The following MTFR1L variants were observed in gnomAD, a reference collection of about 807,000 sequenced individuals.
The protein encoded by MTFR1L is mitochondrial fission regulator 1 like, also known as mitochondrial fission regulator 1-like.
Under a neutral mutation model 27.9 loss-of-function variants are expected in MTFR1L, and 10 were observed. The observed-to-expected ratio is 0.36, with a 90% confidence interval of 0.22 to 0.61. MTFR1L has a LOEUF of 0.61. Ranked by LOEUF, MTFR1L falls within the 20% of genes least tolerant of loss-of-function variation. The pLI, the probability that MTFR1L is intolerant of heterozygous loss-of-function variation, is 0.73. For missense variants in MTFR1L, 315 were observed against 363.7 expected (o/e 0.87, Z 1.09); for synonymous variants, 151 against 139.4 (o/e 1.08, Z -0.58).
At chr1:25,820,808 C>G (rs2048079689) in intron 1 of MTFR1L, 1 of 408,868 alleles carries the variant, frequency 2.4e-6, no homozygotes, top group Non-Finnish European at 4.8e-6. Context: ...AGGCAGACAC[C>G]GTGCTGTGCG....
Position 25,826,967 on chromosome 1 carries a change from G to A in MTFR1L, c.451+141G>A. ...GGCCCTGGGGTTGTCCTGAAGCCTGGCTAGCCAGTAGTGCCTCTTAGATGG... is the reference window on the plus strand; with the variant it reads ...GGCCCTGGGGTTGTCCTGAAGCCTGACTAGCCAGTAGTGCCTCTTAGATGG... On this transcript the variant is annotated intron_variant, in intron 5 of 6. Coordinates refer to ENST00000374303, the MANE Select transcript of MTFR1L (RefSeq NM_001099625.2). The surrounding 1 kb of genome is among the most constrained non-coding windows in gnomAD (Gnocchi z 4.1). The A allele has an allele frequency of 1.1e-6, 1 of 934,662 alleles. No individual in the cohort carries two copies. The highest frequency in any genetic ancestry group is 1.6e-6 in the Non-Finnish European group (1 of 622,562). The allele number at this position is 934,662 out of a possible 1,614,324, so 57.9% of individuals were successfully genotyped here. A position where few individuals can be genotyped will look rare whatever the true frequency, so the allele number is the denominator to read the frequency against.
chr1:25,826,544 T>G lies in MTFR1L; in HGVS notation c.240-71T>G. The G allele has an allele frequency of 6.3e-7, 1 of 1,592,982 alleles. No homozygotes were observed. The highest frequency in any genetic ancestry group is 8.6e-7 in the Non-Finnish European group (1 of 1,161,986). On this transcript the variant is annotated intron_variant, in intron 4 of 6. Transcript: ENST00000374303. The surrounding 1 kb of genome is among the most constrained non-coding windows in gnomAD (Gnocchi z 4.1). Reference sequence around the variant, plus strand: ...CCTTACTATACTACTCTCACAGAAGTGGGGGAAGGAACCTTAGGAGCACAG... The same window carrying G: ...CCTTACTATACTACTCTCACAGAAGGGGGGGAAGGAACCTTAGGAGCACAG...
At chr1:25,831,069 T>C (rs1233573234) in intron 6 of MTFR1L, among the ~76,000 whole-genome samples, 1 of 152,092 alleles carries the variant, frequency 6.6e-6, no homozygotes, top group Non-Finnish European at 1.5e-5. Context: ...GCTAGCCCCC[T>C]CCTCCCACTT....
rs1309026290 is a variant in MTFR1L, at chr1:25,826,124, A to G, written c.130-178A>G. ...GCTGGGATTACAGGTGTGAGCCACC[A>G]TGCCTGACTGTCATCTGGCCTCTGT... On this transcript the variant is annotated intron_variant, in intron 3 of 6. Transcript: ENST00000374303. This position sits in a 1 kb window ranked among gnomAD's most constrained non-coding sequence, Gnocchi z 4.1. 3 of 576,090 alleles carry G rather than the reference A, an allele frequency of 5.2e-6. No homozygotes were observed. The highest frequency in any genetic ancestry group is 3.0e-5 in the Admixed American group (1 of 33,328). 35.7% of individuals were successfully genotyped at this position (576,090 alleles called of 1,614,324 possible).
Position 25,826,833 on chromosome 1 carries a change from G to A in MTFR1L, c.451+7G>A, listed in dbSNP as rs2048175614. ...ATAGTGGCAGCTGATGCAGGTAGGA[G>A]CCCCTGTGCCAGGGCCAGAACGTAA... is the stretch of plus-strand genomic sequence containing the variant. On this transcript the variant is annotated splice_region_variant and intron_variant, in intron 5 of 6. Coordinates refer to ENST00000374303, the MANE Select transcript of MTFR1L (RefSeq NM_001099625.2). This position sits in a 1 kb window ranked among gnomAD's most constrained non-coding sequence, Gnocchi z 4.1. 1.2e-6 allele frequency: 2 copies of A among 1,613,176 alleles called. No individual in the cohort carries two copies. Among genetic ancestry groups the A allele is most frequent in the Non-Finnish European group, 1.7e-6 (2 of 1,179,860 alleles).
At chr1:25,820,902 C>A in intron 1 of MTFR1L, 1 of 343,694 alleles carries the variant, frequency 2.9e-6, no homozygotes, top group Non-Finnish European at 5.5e-6. Flanking sequence ...AAGGACCTGA[C>A]CCTGTCGCAG....
At chr1:25,821,190 G>A (rs2048087134) in intron 1 of MTFR1L, among the ~76,000 whole-genome samples, 1 of 152,224 alleles carries the variant, frequency 6.6e-6, no homozygotes, top group Admixed American at 6.5e-5. Flanking sequence ...AGTTTTAAAC[G>A]GATGAGCGAT....
In MTFR1L at chr1:25,829,674, T is replaced by C. The variant is rs1424018938; in HGVS notation, c.617T>C (p.Leu206Pro). The change falls in exon 6 of 7, where the codon CTT becomes CCT. Residue 206 changes from leucine (L) to proline (P), a missense_variant. By Grantham distance (98) the Leu-to-Pro change is moderately conservative. Transcript: ENST00000374303. ...CCTGAGCTTCCATCAGTCCCCCTGCTTTGTTCTGCCAGCCCTGAATGTTGC... is the reference window on the plus strand; with the variant it reads ...CCTGAGCTTCCATCAGTCCCCCTGCCTTGTTCTGCCAGCCCTGAATGTTGC... ...EVPELPSVPLLCSASPECCKP... is the reference protein window; with the variant it reads ...EVPELPSVPLPCSASPECCKP... 3 of 1,614,088 alleles carry C rather than the reference T, an allele frequency of 1.9e-6. No individual in the cohort carries two copies. Among genetic ancestry groups the C allele is most frequent in the Non-Finnish European group, 2.5e-6 (3 of 1,180,040 alleles).
At chr1:25,820,259 T>G (rs1283472803) in intron 1 of MTFR1L, 3 of 455,706 alleles carry the variant, frequency 6.6e-6, no homozygotes, top group Non-Finnish European at 1.3e-5. Flanking sequence ...GACCTCAGGC[T>G]TCTAGTTTCG....
Position 25,823,055 on chromosome 1 carries a change from C to G in MTFR1L, c.-50C>G. 1 of 1,614,110 alleles carries G rather than the reference C, an allele frequency of 6.2e-7. No individual in the cohort carries two copies. Among genetic ancestry groups the G allele is most frequent in the Non-Finnish European group, 8.5e-7 (1 of 1,180,006 alleles). On this transcript the variant is annotated 5_prime_UTR_variant, in exon 2 of 7. Coordinates refer to ENST00000374303, the MANE Select transcript of MTFR1L (RefSeq NM_001099625.2). ...TGAAGGAGTCACGCCTCCCGCCTCCCGGAGCTGCCCAGTGGCTGCCTTGTC... is the reference window on the plus strand; with the variant it reads ...TGAAGGAGTCACGCCTCCCGCCTCCGGGAGCTGCCCAGTGGCTGCCTTGTC...
rs1438033902 is a variant in MTFR1L, at chr1:25,829,590, T to G, written c.533T>G (p.Phe178Cys). The stretch of plus-strand genomic sequence containing the variant: ...CCCTTACCTTGTTTTGGATCCTCAT[T>G]CCACTCTACAACTTCCTTTGTCATT... ...SSPLPCFGSS[F>C]HSTTSFVISD... Residue 178 changes from phenylalanine (F) to cysteine (C), a missense_variant, in exon 6 of 7, where the codon TTC (phenylalanine) becomes TGC (cysteine). By Grantham distance (205) the Phe-to-Cys change is radical. Transcript: ENST00000374303. 1.2e-6 allele frequency: 2 copies of G among 1,614,096 alleles called. No homozygotes were observed. The highest frequency in any genetic ancestry group is 1.7e-5 in the Admixed American group (1 of 60,006).
At chr1:25,821,565 C>T (rs2048092917) in intron 1 of MTFR1L, 1 of 152,294 alleles carries the variant, frequency 6.6e-6, no homozygotes, top group South Asian at 2.1e-4. Context: ...AGGGGACCCT[C>T]CACAGGAGGT....
At chr1:25,821,189 CG>C (rs2048087202) in intron 1 of MTFR1L, among the ~76,000 whole-genome samples, 1 of 152,172 alleles carries the variant, frequency 6.6e-6, no homozygotes, top group Non-Finnish European at 1.5e-5. Flanking sequence ...CAGTTTTAAA[CG>C]GATGAGCGAT....
intron 1 of MTFR1L, among the ~76,000 whole-genome samples, chr1:25,821,311 A>C (rs2048089136): frequency 6.6e-6 from 1 of 152,196 alleles, no homozygotes; most frequent in African/African-American, 2.4e-5. Flanking sequence ...CCGTTAGTGC[A>C]ATTTGTGGCC....
chr1:25,820,970 A>T, intron 1 of MTFR1L: 1 of 296,028 alleles, frequency 3.4e-6, no homozygotes, highest in Non-Finnish European at 6.4e-6. Flanking sequence ...GAGCTCGGCG[A>T]AGGGGGTGCT....
Position 25,826,831 on chromosome 1 carries a change from G to A in MTFR1L, c.451+5G>A. ...AGATAGTGGCAGCTGATGCAGGTAG[G>A]AGCCCCTGTGCCAGGGCCAGAACGT... On this transcript the variant is annotated splice_donor_5th_base_variant and intron_variant, in intron 5 of 6. Transcript: ENST00000374303. This position sits in a 1 kb window ranked among gnomAD's most constrained non-coding sequence, Gnocchi z 4.1. 6.2e-7 allele frequency: 1 copy of A among 1,613,294 alleles called. No homozygotes were observed. Among genetic ancestry groups the A allele is most frequent in the Non-Finnish European group, 8.5e-7 (1 of 1,179,902 alleles).
chr1:25,826,353 A>G lies in MTFR1L; in HGVS notation c.181A>G (p.Thr61Ala). ...TTTGAGAGATGTGCCCCCAGTCCCT[A>G]CCCTGGCTGACATCGCCTGGATTGC... ...LCLRDVPPVP[T>A]LADIAWIAAD... The change falls in exon 4 of 7, where the codon ACC (threonine) becomes GCC (alanine). Residue 61 changes from threonine to alanine, a missense_variant. By Grantham distance (58) the Thr-to-Ala change is moderately conservative. Transcript: ENST00000374303. This position sits in a 1 kb window ranked among gnomAD's most constrained non-coding sequence, Gnocchi z 4.1. The G allele has an allele frequency of 6.2e-7, 1 of 1,614,096 alleles. No homozygotes were observed. Among genetic ancestry groups the G allele is most frequent in the Non-Finnish European group, 8.5e-7 (1 of 1,180,028 alleles).
chr1:25,823,880 C>T (rs2048133169), intron 3 of MTFR1L, 132 bp downstream of exon 3: 1 of 1,171,548 alleles, frequency 8.5e-7, no homozygotes. Context: ...TTGTTAAATG[C>T]TTATAAGATA....
chr1:25,823,369 A>G (rs1439400925), intron 2 of MTFR1L: 1 of 719,452 alleles, frequency 1.4e-6, no homozygotes, highest in Non-Finnish European at 2.5e-6. Context: ...AAGCCTGGAT[A>G]ATCTCTACAC....
Sources: allele counts gnomAD v4.1 joint callset (sites outside exome capture counted in the v4.1 genomes callset), GRCh38; gene constraint gnomAD v4.1.1; non-coding constraint Gnocchi (gnomAD v3.1); transcripts MANE v1.5; gene names NCBI Gene and HGNC (gene_info 2026-07-23, HGNC 2026-07-21).